Variants in PRKDC observed in about 807,000 individuals in gnomAD.
PRKDC encodes protein kinase, DNA-activated, catalytic subunit.
A neutral mutation model predicts 486.9 loss-of-function variants in PRKDC; 82 were observed. That is an observed-to-expected ratio of 0.17 (90% CI 0.14 to 0.20). The LOEUF is 0.20. Ranked by LOEUF, PRKDC falls within the 10% of genes least tolerant of loss-of-function variation. The pLI, the probability that PRKDC is intolerant of heterozygous loss-of-function variation, is 1.00. For synonymous variants in PRKDC, 1,895 were observed against 1,837.0 expected (o/e 1.03, Z -0.81); for missense variants, 4,504 against 5,038.2 (o/e 0.89, Z 3.21).
At chr8:47,807,918 G>T (rs1019285566) in intron 68 of PRKDC, among the ~76,000 whole-genome samples, 4 of 152,104 alleles carry the variant, frequency 2.6e-5, no homozygotes, top group African/African-American at 9.7e-5. Flanking sequence ...GTTTCACCAT[G>T]TTGGCCAGGC....
In PRKDC at chr8:47,882,173, C is replaced by G. The variant is rs947884520; in HGVS notation, c.4777-76G>C. On this transcript the variant is annotated intron_variant, in intron 36 of 85. Transcript: ENST00000314191. ...CAGAAAACAAAATTTACCTTTATTT[C>G]AAAGCTATTCTTGGAAAATAAATAA... 2.2e-6 allele frequency: 3 copies of G among 1,336,184 alleles called. No individual in the cohort carries two copies. The African/African-American group carries it at 4.4e-5, about 20-fold the overall frequency. 82.8% of individuals were successfully genotyped at this position (1,336,184 alleles called of 1,614,324 possible).
At chr8:47,820,595 T>A (rs934864552) in intron 66 of PRKDC, 124 bp downstream of exon 66, 4 of 618,112 alleles carry the variant, frequency 6.5e-6, no homozygotes, top group Non-Finnish European at 9.1e-6. Flanking sequence ...TTTTGTTGAT[T>A]TTTTTCATGA....
intron 85 of PRKDC, among the ~76,000 whole-genome samples, chr8:47,775,111 C>T (rs2086582352): frequency 6.6e-6 from 1 of 151,812 alleles, no homozygotes; most frequent in Admixed American, 6.6e-5. Flanking sequence ...CGCTTGAACC[C>T]AGGAGGTGGG....
At chr8:47,943,907 C>T in intron 8 of PRKDC, 24 bp from the exon 9 acceptor site, 1 of 1,583,000 alleles carries the variant, frequency 6.3e-7, no homozygotes, top group South Asian at 1.1e-5. Context: ...GAAAAATTCA[C>T]CATCAGTATT....
chr8:47,829,239 G>C (rs2087808769), intron 61 of PRKDC, among the ~76,000 whole-genome samples: 1 of 152,118 alleles, frequency 6.6e-6, no homozygotes, highest in South Asian at 2.1e-4. Context: ...TTGGGATCAT[G>C]TTCTTTTTTC....
At chr8:47,816,643 C>T (rs777031714) in intron 68 of PRKDC, among the ~76,000 whole-genome samples, 2 of 151,662 alleles carry the variant, frequency 1.3e-5, no homozygotes, top group Non-Finnish European at 2.9e-5. Context: ...CGCTCACAAC[C>T]GGTTCAGAAA....
At chr8:47,809,597 A>G (rs2087287810) in intron 68 of PRKDC, among the ~76,000 whole-genome samples, 1 of 152,184 alleles carries the variant, frequency 6.6e-6, no homozygotes, top group African/African-American at 2.4e-5. Flanking sequence ...AAGGCAGAGA[A>G]GAGTTACACT....
chr8:47,895,949 G>A (rs2089570922), intron 30 of PRKDC, among the ~76,000 whole-genome samples: 1 of 152,070 alleles, frequency 6.6e-6, no homozygotes, highest in African/African-American at 2.4e-5. Flanking sequence ...TGAGGCAGGA[G>A]AATTGCTTGA....
chr8:47,905,413 T>C (rs994889992), intron 25 of PRKDC, among the ~76,000 whole-genome samples: 4 of 152,330 alleles, frequency 2.6e-5, no homozygotes, highest in Middle Eastern at 3.4e-3. Flanking sequence ...GTTCCTCTGA[T>C]TGGGAGGGCA....
chr8:47,811,027 T>C (rs1023734167), intron 68 of PRKDC, among the ~76,000 whole-genome samples: 2 of 152,022 alleles, frequency 1.3e-5, no homozygotes, highest in Non-Finnish European at 2.9e-5. Context: ...AGAAACACAA[T>C]GACTGAAAAC....
At chr8:47,809,474 G>A (rs187752209) in intron 68 of PRKDC, among the ~76,000 whole-genome samples, 17 of 152,324 alleles carry the variant, frequency 1.1e-4, no homozygotes, top group African/African-American at 4.1e-4. Flanking sequence ...CTCAGGAAAG[G>A]GAGGTGGGAA....
intron 40 of PRKDC, among the ~76,000 whole-genome samples, chr8:47,867,412 G>T (rs1446698964): frequency 6.6e-6 from 1 of 152,154 alleles, no homozygotes; most frequent in Non-Finnish European, 1.5e-5. Context: ...CTACTAATTG[G>T]TGTAATAACC....
chr8:47,834,218 G>A lies in PRKDC; in HGVS notation c.8130C>T (p.Asp2710=), dbSNP rs370260992. Reference sequence around the variant, plus strand: ...TACCTTTCACTTTGTTATCCACCTCGTCCCCTGGAAGGCCCAGCCTTTTTT... The same window carrying A: ...TACCTTTCACTTTGTTATCCACCTCATCCCCTGGAAGGCCCAGCCTTTTTT... ...FGKKRLGLPG[D]EVDNKVKGAA... is the part of the protein sequence containing the mutation. The change falls in exon 59 of 86, where the codon GAC becomes GAT. Residue 2710 remains aspartate (D), a synonymous_variant. Transcript: ENST00000314191. 5.0e-6 allele frequency: 8 copies of A among 1,613,936 alleles called. No homozygotes were observed. Among genetic ancestry groups the A allele is most frequent in the Admixed American group, 3.3e-5 (2 of 60,016 alleles).
At chr8:47,930,055 T>C in intron 17 of PRKDC, 43 bp from the exon 18 acceptor site, 1 of 1,535,328 alleles carries the variant, frequency 6.5e-7, no homozygotes, top group Non-Finnish European at 8.9e-7. Flanking sequence ...ATTTGTATCA[T>C]TCTGATCTTA....
At chr8:47,953,404 GACA>G (rs1478275718) in intron 7 of PRKDC, among the ~76,000 whole-genome samples, 4 of 152,174 alleles carry the variant, frequency 2.6e-5, no homozygotes, top group Admixed American at 2.0e-4. Context: ...AAGCTCAGTG[GACA>G]ACATCAATGT....
At chr8:47,905,217 CAG>C (rs1236321520) in intron 25 of PRKDC, among the ~76,000 whole-genome samples, 1 of 151,944 alleles carries the variant, frequency 6.6e-6, no homozygotes, top group East Asian at 1.9e-4. Flanking sequence ...TTTGTAGAGA[CAG>C]GGTTCCACTA....
At chr8:47,813,700 G>A (rs1308065534) in intron 68 of PRKDC, among the ~76,000 whole-genome samples, 2 of 151,850 alleles carry the variant, frequency 1.3e-5, no homozygotes, top group Non-Finnish European at 2.9e-5. Context: ...CTCAGCCTCC[G>A]AGTAGCTAGG....
At chr8:47,854,369 G>A (rs376290109) in intron 50 of PRKDC, among the ~76,000 whole-genome samples, 155 bp from the exon 51 acceptor site, 1 of 151,782 alleles carries the variant, frequency 6.6e-6, no homozygotes, top group Non-Finnish European at 1.5e-5. Flanking sequence ...TTGGAGTCTC[G>A]CTTTGTCGCC....
At chr8:47,946,246 G>A (rs1250079250) in intron 7 of PRKDC, among the ~76,000 whole-genome samples, 1 of 152,012 alleles carries the variant, frequency 6.6e-6, no homozygotes, top group African/African-American at 2.4e-5. Context: ...CATGAGAATT[G>A]CTTGAACTCG....
Sources: gnomAD v4.1 joint callset for allele counts (sites outside exome capture counted in the v4.1 genomes callset) on GRCh38, gnomAD v4.1.1 for gene constraint, MANE v1.5 for transcripts, NCBI Gene and HGNC (gene_info 2026-07-23, HGNC 2026-07-21) for gene names.